Variants in ABLIM1 observed in about 807,000 individuals in gnomAD.
ABLIM1 encodes the protein actin-binding LIM protein 1.
In ABLIM1, 40 loss-of-function variants were observed where a neutral mutation model predicts 107.0. The ratio of observed to expected loss-of-function variants is 0.37; its 90% CI spans 0.29 to 0.49. ABLIM1 has a LOEUF of 0.49. Ranked by LOEUF, ABLIM1 falls within the 20% of genes least tolerant of loss-of-function variation. The pLI is 0.97. For synonymous variants in ABLIM1, 357 were observed against 357.3 expected (o/e 1.00, Z 0.01); for missense variants, 857 against 1,008.5 (o/e 0.85, Z 2.04).
At chr10:114,498,890 A>C (rs2060030346) in intron 6 of ABLIM1, among the ~76,000 whole-genome samples, 1 of 152,238 alleles carries the variant, frequency 6.6e-6, no homozygotes, top group African/African-American at 2.4e-5. Context: ...CCTGATTCTA[A>C]GTTAATAACA....
chr10:114,782,822 T>G, the ABLIM1 span, among the ~76,000 whole-genome samples: 571 of 152,126 alleles, frequency 3.8e-3, 10 homozygotes, highest in African/African-American at 0.013. Context: ...ATAAGAAGAA[T>G]AAGATATTTT....
chr10:114,605,090 G>A (rs17092124), intron 1 of ABLIM1, among the ~76,000 whole-genome samples: 75,479 of 152,056 alleles, frequency 0.5, 20,754 homozygotes, highest in Non-Finnish European at 0.62. Flanking sequence ...TCACACAACA[G>A]CCTAGGCATC....
At chr10:114,761,059 T>A (rs1326105695) in intron 1 of ABLIM1, among the ~76,000 whole-genome samples, 2 of 152,080 alleles carry the variant, frequency 1.3e-5, no homozygotes, top group Non-Finnish European at 2.9e-5. Context: ...GGCCCCCATA[T>A]CACACCAAAT....
chr10:114,481,401 CT>C (rs2057350950), intron 8 of ABLIM1, among the ~76,000 whole-genome samples: 1 of 150,934 alleles, frequency 6.6e-6, no homozygotes, highest in Admixed American at 6.6e-5. Context: ...TCAGAATGAT[CT>C]TATGAACACT....
chr10:114,541,763 A>G (rs539557267), intron 6 of ABLIM1, among the ~76,000 whole-genome samples: 44 of 152,234 alleles, frequency 2.9e-4, no homozygotes, highest in Admixed American at 1.0e-3. Context: ...CTGCAGCCAC[A>G]GTGAATGCCA....
At position 114,440,067 on chromosome 10, in the gene ABLIM1, C is replaced by T. The variant is rs761207845; in HGVS notation, c.2067+15G>A. Reference sequence around the variant, plus strand: ...ATCGGTGTGGCCAATTCAAGAAAGACAAAGTGTTCCATACCTGGTAATCTG... The same window carrying T: ...ATCGGTGTGGCCAATTCAAGAAAGATAAAGTGTTCCATACCTGGTAATCTG... On this transcript the variant is annotated intron_variant, in intron 20 of 22. Transcript: ENST00000533213. The T allele has an allele frequency of 7.4e-6, 12 of 1,613,792 alleles. No individual in the cohort carries two copies. Among genetic ancestry groups the T allele is most frequent in the Non-Finnish European group, 1.0e-5 (12 of 1,179,980 alleles).
At chr10:114,723,510 G>T (rs188358293) in intron 1 of ABLIM1, among the ~76,000 whole-genome samples, 1 of 152,202 alleles carries the variant, frequency 6.6e-6, no homozygotes, top group Admixed American at 6.5e-5. Context: ...AGCATAAAAG[G>T]GCTGAGGGGA....
chr10:114,629,326 G>A lies in ABLIM1; in HGVS notation c.245-27365C>T, dbSNP rs943014051. Among the ~76,000 whole-genome samples, 1 of 152,208 alleles carries A rather than the reference G, an allele frequency of 6.6e-6. No individual in the cohort carries two copies. The highest frequency in any genetic ancestry group is 2.4e-5 in the African/African-American group (1 of 41,444). On this transcript the variant is annotated intron_variant, in intron 1 of 22. Transcript: ENST00000533213. The surrounding 1 kb of genome is among the most constrained non-coding windows in gnomAD (Gnocchi z 4.0). The stretch of plus-strand genomic sequence containing the variant: ...ATGTTCCTCGGGATGGACATTGCCA[G>A]GACCCGAGCCTCCTCGAGTTGATTC...
chr10:114,648,156 T>A (rs894167283), intron 1 of ABLIM1, among the ~76,000 whole-genome samples: 2 of 152,206 alleles, frequency 1.3e-5, no homozygotes, highest in Non-Finnish European at 2.9e-5. Flanking sequence ...AATTATCGTA[T>A]GACCCAGGAT....
chr10:114,543,546 T>C (rs985931195), intron 6 of ABLIM1, among the ~76,000 whole-genome samples: 11 of 152,216 alleles, frequency 7.2e-5, no homozygotes, highest in African/African-American at 2.4e-4. Context: ...CTGATGGACA[T>C]TGGGTTGTTT....
intron 2 of ABLIM1, among the ~76,000 whole-genome samples, chr10:114,584,427 TCAAACCAC>T (rs1174839761): frequency 6.6e-6 from 1 of 152,178 alleles, no homozygotes; most frequent in Non-Finnish European, 1.5e-5. Context: ...CAATGTCTTC[TCAAACCAC>T]CAAAAATTCC....
intron 1 of ABLIM1, among the ~76,000 whole-genome samples, chr10:114,626,666 C>G (rs950347668): frequency 6.6e-6 from 1 of 152,218 alleles, no homozygotes; most frequent in Non-Finnish European, 1.5e-5. Context: ...AACACTGATG[C>G]CTGCGTGTAA....
At chr10:114,621,859 C>A (rs2077484584) in intron 1 of ABLIM1, among the ~76,000 whole-genome samples, 1 of 152,250 alleles carries the variant, frequency 6.6e-6, no homozygotes, top group African/African-American at 2.4e-5. Flanking sequence ...TTCGCTATGG[C>A]TCATTGCTAT....
intron 1 of ABLIM1, among the ~76,000 whole-genome samples, chr10:114,604,207 C>T (rs980637278): frequency 9.2e-5 from 14 of 152,214 alleles, no homozygotes; most frequent in African/African-American, 3.4e-4. Flanking sequence ...CAGAGCTGAA[C>T]AACCTGCCCA....
At chr10:114,597,122 C>T (rs1210005201) in intron 2 of ABLIM1, among the ~76,000 whole-genome samples, 1 of 152,202 alleles carries the variant, frequency 6.6e-6, no homozygotes, top group Non-Finnish European at 1.5e-5. Context: ...ACCCGAACAT[C>T]GCCACTCTAG....
intron 1 of ABLIM1, among the ~76,000 whole-genome samples, chr10:114,653,901 G>C (rs920030656): frequency 1.3e-5 from 2 of 152,186 alleles, no homozygotes; most frequent in African/African-American, 4.8e-5. Context: ...AACATCCAAG[G>C]GTTGTTTTGA....
chr10:114,682,557 A>T (rs1193189234), intron 1 of ABLIM1, among the ~76,000 whole-genome samples: 1 of 152,236 alleles, frequency 6.6e-6, no homozygotes, highest in Non-Finnish European at 1.5e-5. Flanking sequence ...CAGAGTAGCA[A>T]AACCCCTTAT....
chr10:114,559,438 C>CAAAAAAAAAAAA (rs72456292), intron 4 of ABLIM1, among the ~76,000 whole-genome samples: 5 of 49,344 alleles, frequency 1.0e-4, no homozygotes, highest in East Asian at 6.3e-4. Flanking sequence ...ACTCGTCTCT[C>CAAAAAAAAAAAA]AAAAAAAAAA....
chr10:114,766,652 T>A (rs977510832), intron 1 of ABLIM1, among the ~76,000 whole-genome samples: 9 of 152,182 alleles, frequency 5.9e-5, no homozygotes, highest in African/African-American at 2.2e-4. Flanking sequence ...GTTTGGGTGC[T>A]GTAAAGCTGA....
Sources: allele counts gnomAD v4.1 joint callset (sites outside exome capture counted in the v4.1 genomes callset), GRCh38; gene constraint gnomAD v4.1.1; non-coding constraint Gnocchi (gnomAD v3.1); transcripts MANE v1.5; gene names NCBI Gene and HGNC (gene_info 2026-07-23, HGNC 2026-07-21).